JRK: variants seen among roughly 807,000 people sequenced by gnomAD.
JRK encodes jerky protein homolog.
For missense variants in JRK, 720 were observed against 509.2 expected, an observed-to-expected ratio of 1.41 and a Z score of -3.98; for synonymous variants, 303 against 218.1, an observed-to-expected ratio of 1.39 and a Z score of -3.43.
Position 142,659,293 on chromosome 8 carries a change from A to C in JRK, c.*5059T>G. On this transcript the variant is annotated 3_prime_UTR_variant, in exon 2 of 2. Transcript: ENST00000612905. Reference sequence around the variant, plus strand: ...TGGGGTGGCTTAGGACCAGGGCAAGACGCCTGACCCCAGAGCAGACCATGC... The same window carrying C: ...TGGGGTGGCTTAGGACCAGGGCAAGCCGCCTGACCCCAGAGCAGACCATGC... 1.9e-6 allele frequency: 2 copies of C among 1,049,402 alleles called. No homozygotes were observed. Among genetic ancestry groups the C allele is most frequent in the Middle Eastern group, 4.6e-4 (1 of 2,196 alleles). 65.0% of individuals were successfully genotyped at this position (1,049,402 alleles called of 1,614,324 possible).
rs1319218484 is a variant in JRK, at chr8:142,662,917, T to C, written c.*1435A>G. On this transcript the variant is annotated 3_prime_UTR_variant, in exon 2 of 2. Transcript: ENST00000612905. ...GCTCACACCTGTAATCCCAGCACTT[T>C]AGAAGGATGAGGAAGGAGGATCGCT... is the stretch of plus-strand genomic sequence containing the variant. 2.1e-6 allele frequency: 2 copies of C among 938,102 alleles called. No individual in the cohort carries two copies. Among genetic ancestry groups the C allele is most frequent in the Non-Finnish European group, 2.5e-6 (2 of 786,966 alleles). The allele number at this position is 938,102 out of a possible 1,614,324, so 58.1% of individuals were successfully genotyped here.
At chr8:142,656,729 C>A (rs753738991), downstream of JRK, among the ~76,000 whole-genome samples, 5 of 152,220 alleles carry the variant, frequency 3.3e-5, no homozygotes. Flanking sequence ...TGTTCTATGG[C>A]CTGCTTCTCC....
At chr8:142,646,501 C>T in the JRK span, among the ~76,000 whole-genome samples, 1 of 152,148 alleles carries the variant, frequency 6.6e-6, no homozygotes, top group Non-Finnish European at 1.5e-5. Flanking sequence ...TTGTTTTGGG[C>T]TTGGTTTATA....
chr8:142,664,589 C>G lies in JRK; in HGVS notation c.1470G>C (p.Ala490=). The change falls in exon 2 of 2, where the codon GCG becomes GCC. Residue 490 remains alanine (A), a synonymous_variant. Transcript: ENST00000612905. ...GCAGGACTGCGTCAAAGGCCACGGC[C>G]GCCTGCTCCCAGGCCACCTCCTCGC... is the stretch of plus-strand genomic sequence containing the variant. ...GEGEEVAWEQ[A]AVAFDAVLRF... is the part of the protein sequence containing the mutation. The G allele has an allele frequency of 6.2e-7, 1 of 1,608,922 alleles. No homozygotes were observed. The highest frequency in any genetic ancestry group is 8.5e-7 in the Non-Finnish European group (1 of 1,178,690).
chr8:142,648,146 C>T, the JRK span, among the ~76,000 whole-genome samples: 63 of 152,198 alleles, frequency 4.1e-4, no homozygotes, highest in Middle Eastern at 6.8e-3. Flanking sequence ...CTGTTAAAGG[C>T]GTTCAGTTTT....
chr8:142,666,730 C>T (rs1336764753), intron 1 of JRK, among the ~76,000 whole-genome samples: 1 of 152,182 alleles, frequency 6.6e-6, no homozygotes, highest in Non-Finnish European at 1.5e-5. Flanking sequence ...CAGGTGGACT[C>T]TGCCCAACTC....
At chr8:142,656,248 T>A (rs926996309), downstream of JRK, among the ~76,000 whole-genome samples, 1 of 152,238 alleles carries the variant, frequency 6.6e-6, no homozygotes, top group Non-Finnish European at 1.5e-5. Context: ...ATTTTCCTAC[T>A]TTCTTTGCTT....
Position 142,665,887 on chromosome 8 carries a change from G to A in JRK, c.172C>T (p.His58Tyr), listed in dbSNP as rs782714445. 1.3e-6 allele frequency: 1 copy of A among 785,362 alleles called. No homozygotes were observed. Among genetic ancestry groups the A allele is most frequent in the Non-Finnish European group, 2.4e-6 (1 of 422,876 alleles). 48.6% of individuals were successfully genotyped at this position (785,362 alleles called of 1,614,324 possible). ...AAGAACCGGAGCAGCTGCGCCTTGT[G>A]GGCCCTGATGTCGTAGAGGGTGGAC... ...GMSTLYDIRA[H>Y]KAQLLRFFAS... The change falls in exon 2 of 2, where the codon CAC becomes TAC. Residue 58 changes from histidine (H) to tyrosine (Y), a missense_variant. His to Tyr is a moderately conservative substitution (Grantham distance 83). Transcript: ENST00000612905.
At chr8:142,667,752 C>T (rs1587534040) in intron 1 of JRK, among the ~76,000 whole-genome samples, 1 of 152,322 alleles carries the variant, frequency 6.6e-6, no homozygotes, top group Middle Eastern at 3.4e-3. Flanking sequence ...TAACCAAACA[C>T]ATCTTTCTGT....
At position 142,662,483 on chromosome 8, in the gene JRK, T is replaced by TC; in HGVS notation, c.*1868dup. Reference sequence around the variant, plus strand: ...CACAAAGTACATGATGTGCAGAAGTTCCCCAGACAATGAAGCAAACAGTGC... The same window carrying TC: ...CACAAAGTACATGATGTGCAGAAGTTCCCCCAGACAATGAAGCAAACAGTGC... On this transcript the variant is annotated 3_prime_UTR_variant, in exon 2 of 2. Coordinates refer to ENST00000612905, the MANE Select transcript of JRK (RefSeq NM_003724.4). The TC allele has an allele frequency of 3.0e-6, 3 of 985,366 alleles. No homozygotes were observed. In the African/African-American group the frequency reaches 5.2e-5, roughly 17 times the overall value. 61.0% of individuals were successfully genotyped at this position (985,366 alleles called of 1,614,324 possible). A position where few individuals can be genotyped will look rare whatever the true frequency, so the allele number is the denominator to read the frequency against.
rs1230909917 is a variant in JRK at position 142,663,893 on chromosome 8, G to C, written c.*459C>G. On this transcript the variant is annotated 3_prime_UTR_variant, in exon 2 of 2. Coordinates refer to ENST00000612905, the MANE Select transcript of JRK (RefSeq NM_003724.4). The stretch of plus-strand genomic sequence containing the variant: ...CAACACGGGGATGGCCGCCAGCCCA[G>C]CAGATAGAGCCTTCTGAGACGAAGC... 1.0e-6 allele frequency: 1 copy of C among 991,702 alleles called. No homozygotes were observed. The highest frequency in any genetic ancestry group is 1.2e-6 in the Non-Finnish European group (1 of 834,548). The allele number at this position is 991,702 out of a possible 1,614,324, so 61.4% of individuals were successfully genotyped here.
At position 142,659,383 on chromosome 8, in the gene JRK, G is replaced by T. The variant is rs942629263; in HGVS notation, c.*4969C>A. ...CCTTTGGCTACTAAGGAGGCCCAAC[G>T]ATCCTCGCCTGTGTGGGACGGGGCT... On this transcript the variant is annotated 3_prime_UTR_variant, in exon 2 of 2. Coordinates refer to ENST00000612905, the MANE Select transcript of JRK (RefSeq NM_003724.4). 1.0e-6 allele frequency: 1 copy of T among 989,354 alleles called. No homozygotes were observed. Among genetic ancestry groups the T allele is most frequent in the African/African-American group, 1.7e-5 (1 of 57,442 alleles). 61.3% of individuals were successfully genotyped at this position (989,354 alleles called of 1,614,324 possible).
At chr8:142,648,311 A>T in the JRK span, among the ~76,000 whole-genome samples, 1 of 152,238 alleles carries the variant, frequency 6.6e-6, no homozygotes, top group Admixed American at 6.5e-5. Flanking sequence ...AATGGGGAAA[A>T]TGTCTCCAGG....
At position 142,663,931 on chromosome 8, in the gene JRK, G is replaced by T. The variant is rs782176986; in HGVS notation, c.*421C>A. 1.0e-6 allele frequency: 1 copy of T among 1,000,652 alleles called. No homozygotes were observed. The highest frequency in any genetic ancestry group is 1.2e-6 in the Non-Finnish European group (1 of 840,516). 62.0% of individuals were successfully genotyped at this position (1,000,652 alleles called of 1,614,324 possible). ...TCTGAGACGAAGCCTGTCCAGGGGC[G>T]GTGGGCATGGCCTCCTGTCGGCCTG... On this transcript the variant is annotated 3_prime_UTR_variant, in exon 2 of 2. Coordinates refer to ENST00000612905, the MANE Select transcript of JRK (RefSeq NM_003724.4).
rs1334378083 is a variant in JRK at position 142,664,839 on chromosome 8, G to A, written c.1220C>T (p.Pro407Leu). The change falls in exon 2 of 2, where the codon CCA becomes CTA. Residue 407 changes from proline (P) to leucine (L), a missense_variant. Transcript: ENST00000612905. ...SEEELEAECF[P>L]VKPHNKSFAH... ...AAAGGACTTGTTGTGGGGCTTCACT[G>A]GGAAGCACTCTGCCTCCAACTCCTC... is the stretch of plus-strand genomic sequence containing the variant. 2 of 1,580,228 alleles carry A rather than the reference G, an allele frequency of 1.3e-6. No individual in the cohort carries two copies. Among genetic ancestry groups the A allele is most frequent in the Non-Finnish European group, 1.7e-6 (2 of 1,153,778 alleles).
chr8:142,665,971 T>C lies in JRK; in HGVS notation c.88A>G (p.Thr30Ala), dbSNP rs1554635994. 9.2e-7 allele frequency: 1 copy of C among 1,091,118 alleles called. No individual in the cohort carries two copies. The allele number at this position is 1,091,118 out of a possible 1,614,324, so 67.6% of individuals were successfully genotyped here. The change falls in exon 2 of 2, where the codon ACG (threonine) becomes GCG (alanine). Residue 30 changes from threonine to alanine, a missense_variant. Physicochemically the swap from Thr to Ala is moderately conservative, Grantham distance 58 (BLOSUM62 0). Coordinates refer to ENST00000612905, the MANE Select transcript of JRK (RefSeq NM_003724.4). ...LTLKEKIDIC[T>A]RLEKGESRKA... The stretch of plus-strand genomic sequence containing the variant: ...CGGCTCTCGCCCTTCTCCAGGCGCG[T>C]GCAGATGTCAATCTTCTCCTTCAGT...
chr8:142,650,219 G>T, the JRK span, among the ~76,000 whole-genome samples: 1 of 152,248 alleles, frequency 6.6e-6, no homozygotes, highest in African/African-American at 2.4e-5. Context: ...TATCTAGGAA[G>T]TAACTCACTT....
chr8:142,658,807 AC>A lies in JRK; in HGVS notation c.*5544del, dbSNP rs782818216. On this transcript the variant is annotated 3_prime_UTR_variant, in exon 2 of 2. Transcript: ENST00000612905. Reference sequence around the variant, plus strand: ...CATAACCTCAAGGGCACTGGTGGGGACAGAGGGGTCTTACCCAGCACTGCCA... The same window carrying A: ...CATAACCTCAAGGGCACTGGTGGGGAAGAGGGGTCTTACCCAGCACTGCCA... The A allele has an allele frequency of 2.8e-5, 44 of 1,585,310 alleles. No homozygotes were observed. Among genetic ancestry groups the A allele is most frequent in the Non-Finnish European group, 3.7e-5 (43 of 1,165,648 alleles).
In JRK at chr8:142,661,684, C is replaced by A. The variant is rs587624600; in HGVS notation, c.*2668G>T. On this transcript the variant is annotated 3_prime_UTR_variant, in exon 2 of 2. Coordinates refer to ENST00000612905, the MANE Select transcript of JRK (RefSeq NM_003724.4). The stretch of plus-strand genomic sequence containing the variant: ...CGCTCTGCTCTGGCAAGCTCCAGGG[C>A]TTCCCAGGGGCCTCAGCAGCCCCAG... The A allele has an allele frequency of 3.0e-6, 3 of 985,514 alleles. No homozygotes were observed. Among genetic ancestry groups the A allele is most frequent in the African/African-American group, 1.7e-5 (1 of 57,358 alleles). The allele number at this position is 985,514 out of a possible 1,614,324, so 61.0% of individuals were successfully genotyped here. A position where few individuals can be genotyped will look rare whatever the true frequency, so the allele number is the denominator to read the frequency against.
Sources: allele counts gnomAD v4.1 joint callset (sites outside exome capture counted in the v4.1 genomes callset), GRCh38; gene constraint gnomAD v4.1.1; transcripts MANE v1.5; gene names NCBI Gene and HGNC (gene_info 2026-07-23, HGNC 2026-07-21).